HYDIN: variants seen among roughly 807,000 people sequenced by gnomAD.
The protein encoded by HYDIN is axonemal central pair apparatus protein HYDIN.
HYDIN carries 132 observed loss-of-function variants against 403.9 expected under a neutral mutation model. The observed-to-expected ratio is 0.33, with a 90% CI of 0.28 to 0.38. HYDIN has a LOEUF of 0.38. HYDIN is among the 10% of genes least tolerant of loss of function. The pLI, the probability that HYDIN is intolerant of heterozygous loss-of-function variation, is 1.00. For missense variants in HYDIN, 2,827 were observed against 5,009.5 expected, an observed-to-expected ratio of 0.56 and a Z score of 13.15; for synonymous variants, 1,202 against 1,891.7, an observed-to-expected ratio of 0.64 and a Z score of 9.46.
intron 66 of HYDIN, among the ~76,000 whole-genome samples, chr16:70,866,641 G>C (rs1282826702): frequency 6.6e-6 from 1 of 151,946 alleles, no homozygotes; most frequent in Non-Finnish European, 1.5e-5. Flanking sequence ...ACATCTTTCC[G>C]GGAGGAAAGA....
chr16:71,186,629 T>A (rs2087163990), intron 2 of HYDIN, 132 bp downstream of exon 2: 1 of 721,868 alleles, frequency 1.4e-6, no homozygotes. Context: ...TGCAGAAAGC[T>A]ACCATTATAA....
Position 70,862,235 on chromosome 16 carries a change from G to T in HYDIN, c.11590C>A (p.Leu3864Ile). 1.2e-6 allele frequency: 2 copies of T among 1,612,740 alleles called. No individual in the cohort carries two copies. The highest frequency in any genetic ancestry group is 1.7e-6 in the Non-Finnish European group (2 of 1,179,850). Residue 3864 changes from leucine (L) to isoleucine (I), a missense_variant, in exon 69 of 86, where the codon CTT (leucine) becomes ATT (isoleucine). Physicochemically the swap from Leu to Ile is conservative, Grantham distance 5. Transcript: ENST00000393567. ...CCTGTATGCATCGTGCCCTGACTAAGCTGATCTTTTTGAGCTGAACCTGGG... is the reference window on the plus strand; with the variant it reads ...CCTGTATGCATCGTGCCCTGACTAATCTGATCTTTTTGAGCTGAACCTGGG... The part of the protein sequence containing the change: ...DHQGSAQKDQ[L>I]SQGTMHTGST...
intron 20 of HYDIN, chr16:71,027,058 T>A: frequency 1.2e-6 from 1 of 814,546 alleles, no homozygotes; most frequent in Non-Finnish European, 1.5e-6. Flanking sequence ...TACTGAAATG[T>A]TTTACGTAGA....
At chr16:71,165,030 T>C (rs1042027435) in intron 5 of HYDIN, among the ~76,000 whole-genome samples, 1 of 152,054 alleles carries the variant, frequency 6.6e-6, no homozygotes, top group Non-Finnish European at 1.5e-5. Context: ...ACCCTGGTCC[T>C]AGCCACTCCG....
chr16:71,075,280 C>T (rs1368425271), intron 13 of HYDIN, among the ~76,000 whole-genome samples: 1 of 151,542 alleles, frequency 6.6e-6, no homozygotes, highest in Non-Finnish European at 1.5e-5. Flanking sequence ...TTCTAATTTT[C>T]AGCTAAGCTA....
chr16:70,969,089 T>A (rs2078666228), intron 36 of HYDIN, among the ~76,000 whole-genome samples: 1 of 151,982 alleles, frequency 6.6e-6, no homozygotes, highest in African/African-American at 2.4e-5. Context: ...TTACTTACTC[T>A]GGATAACAGA....
At chr16:70,810,647 T>C (rs1461897131) in intron 84 of HYDIN, among the ~76,000 whole-genome samples, 2 of 151,906 alleles carry the variant, frequency 1.3e-5, no homozygotes, top group Non-Finnish European at 2.9e-5. Context: ...CTGACCAACA[T>C]GGTGAAACCC....
At chr16:70,945,217 T>C (rs1181229725) in intron 41 of HYDIN, among the ~76,000 whole-genome samples, 5 of 152,198 alleles carry the variant, frequency 3.3e-5, no homozygotes, top group Non-Finnish European at 5.9e-5. Context: ...TCATACAGGA[T>C]ATGTTTTGGA....
intron 1 of HYDIN, among the ~76,000 whole-genome samples, chr16:71,202,245 A>T (rs929530461): frequency 1.6e-4 from 25 of 152,234 alleles, no homozygotes; most frequent in African/African-American, 5.8e-4. Context: ...TATACACACC[A>T]CTTAAGCTAA....
chr16:70,961,171 G>A (rs2078407112), intron 38 of HYDIN, among the ~76,000 whole-genome samples: 1 of 152,146 alleles, frequency 6.6e-6, no homozygotes, highest in African/African-American at 2.4e-5. Flanking sequence ...CAGGCATGGG[G>A]AGCAGAGTCA....
intron 25 of HYDIN, among the ~76,000 whole-genome samples, chr16:70,989,776 A>G (rs907472329): frequency 1.3e-5 from 2 of 152,192 alleles, no homozygotes; most frequent in African/African-American, 4.8e-5. Context: ...CCAGTTTCCT[A>G]TATGTTGAAT....
chr16:70,937,201 A>G (rs1226015415), intron 44 of HYDIN, among the ~76,000 whole-genome samples: 11 of 151,312 alleles, frequency 7.3e-5, no homozygotes, highest in Admixed American at 1.3e-4. Flanking sequence ...GCACTTTGAG[A>G]ATCAAATTTG....
At position 71,020,204 on chromosome 16, in the gene HYDIN, A is replaced by G; in HGVS notation, c.3300T>C (p.Thr1100=). ...STSGPFFICE[T]DKSLLPATPE... is the part of the protein sequence containing the mutation. The stretch of plus-strand genomic sequence containing the variant: ...GAGTTGCCGGCAGCAGGGATTTATC[A>G]GTCTCACATATAAAGAAGGGTCCAG... Residue 1100 remains threonine (T), a synonymous_variant, in exon 22 of 86, where the codon ACT becomes ACC. Coordinates refer to ENST00000393567, the MANE Select transcript of HYDIN (RefSeq NM_001270974.2). 5.6e-6 allele frequency: 9 copies of G among 1,613,676 alleles called. No homozygotes were observed. The highest frequency in any genetic ancestry group is 7.6e-6 in the Non-Finnish European group (9 of 1,179,898).
intron 1 of HYDIN, among the ~76,000 whole-genome samples, chr16:71,216,140 T>C (rs1196817866): frequency 1.3e-5 from 2 of 152,238 alleles, no homozygotes; most frequent in Non-Finnish European, 2.9e-5. Flanking sequence ...GAGAAATGTA[T>C]GCACATGCTA....
At chr16:70,961,168 G>A (rs1597420968) in intron 38 of HYDIN, among the ~76,000 whole-genome samples, 1 of 152,142 alleles carries the variant, frequency 6.6e-6, no homozygotes, top group Non-Finnish European at 1.5e-5. Context: ...GCCCAGGCAT[G>A]GGGAGCAGAG....
At chr16:70,818,623 G>A (rs1567650842) in intron 83 of HYDIN, 51 bp from the exon 84 acceptor site, 5 of 673,578 alleles carry the variant, frequency 7.4e-6, no homozygotes, top group South Asian at 1.7e-5. Context: ...GGGGTGAGCC[G>A]AGGGTCCTCT....
chr16:71,176,462 A>T (rs2086675811), intron 4 of HYDIN, among the ~76,000 whole-genome samples: 1 of 152,144 alleles, frequency 6.6e-6, no homozygotes, highest in Non-Finnish European at 1.5e-5. Flanking sequence ...TGGCCCATCT[A>T]TAGCACATTA....
At chr16:71,178,876 C>A in intron 4 of HYDIN, 52 bp downstream of exon 4, 1 of 1,488,828 alleles carries the variant, frequency 6.7e-7, no homozygotes, top group Non-Finnish European at 9.1e-7. Flanking sequence ...TTTACTTTAA[C>A]CCATTCTCAT....
chr16:70,849,435 C>T (rs6416703), intron 75 of HYDIN, among the ~76,000 whole-genome samples: 32,613 of 151,924 alleles, frequency 0.21, 6,457 homozygotes, highest in African/African-American at 0.53. Context: ...ATTCAATAAT[C>T]CATCTTAGAA....
Sources: gnomAD v4.1 joint callset for allele counts (sites outside exome capture counted in the v4.1 genomes callset) on GRCh38, gnomAD v4.1.1 for gene constraint, MANE v1.5 for transcripts, NCBI Gene and HGNC (gene_info 2026-07-23, HGNC 2026-07-21) for gene names.